The following EXOC6 variants were observed in gnomAD, a reference collection of about 807,000 sequenced individuals.
EXOC6 encodes the protein exocyst complex component 6.
EXOC6 carries 60 observed loss-of-function variants against 112.5 expected under a neutral mutation model. That is an observed-to-expected ratio of 0.53 (90% CI 0.43 to 0.66). The LOEUF is 0.66. Among genes scored for constraint, EXOC6 ranks in the 30% least tolerant of loss-of-function variants. The probability of loss-of-function intolerance (pLI) is 0.00; values close to 1 mark genes in which losing one functional copy is unlikely to be tolerated. For missense variants in EXOC6, 855 were observed against 957.1 expected (o/e 0.89, Z 1.41); for synonymous variants, 295 against 308.0 (o/e 0.96, Z 0.44).
chr10:93,055,734 T>C (rs2134390606), intron 20 of EXOC6, among the ~76,000 whole-genome samples: 1 of 152,196 alleles, frequency 6.6e-6, no homozygotes, highest in East Asian at 1.9e-4. Context: ...TGGTATCTTG[T>C]CCGAAAGAAA....
At chr10:93,023,582 G>A (rs1358826862) in intron 20 of EXOC6, among the ~76,000 whole-genome samples, 1 of 152,082 alleles carries the variant, frequency 6.6e-6, no homozygotes, top group Non-Finnish European at 1.5e-5. Flanking sequence ...AATATGATTT[G>A]TTCGTGTAAA....
chr10:93,033,673 C>T (rs941747006), intron 20 of EXOC6, among the ~76,000 whole-genome samples: 2 of 152,124 alleles, frequency 1.3e-5, no homozygotes, highest in Non-Finnish European at 2.9e-5. Context: ...TTAGTGGACT[C>T]CTAAAACTGT....
chr10:92,847,605 C>T (rs1464130414), upstream of EXOC6, among the ~76,000 whole-genome samples: 2 of 152,194 alleles, frequency 1.3e-5, no homozygotes, highest in African/African-American at 4.8e-5. Context: ...AGTCTTCCTT[C>T]CTCCCTGCTT....
At chr10:92,954,806 C>A (rs897896086) in intron 16 of EXOC6, 65 bp downstream of exon 16, 2 of 723,792 alleles carry the variant, frequency 2.8e-6, no homozygotes, top group Non-Finnish European at 4.7e-6. Flanking sequence ...TAAATTATTG[C>A]TGAACGTCAT....
intron 12 of EXOC6, among the ~76,000 whole-genome samples, chr10:92,937,694 A>C (rs1435479468): frequency 1.3e-5 from 2 of 152,108 alleles, no homozygotes; most frequent in African/African-American, 4.8e-5. Flanking sequence ...ACTTTTGGGA[A>C]GTTTTATTTG....
intron 1 of EXOC6, among the ~76,000 whole-genome samples, chr10:92,857,854 G>A (rs1028535113): frequency 1.3e-5 from 2 of 151,766 alleles, no homozygotes; most frequent in Admixed American, 6.6e-5. Context: ...ACTCTTAATC[G>A]TGAGGAAATT....
intron 14 of EXOC6, among the ~76,000 whole-genome samples, chr10:92,951,975 C>G (rs1853444366): frequency 6.6e-6 from 1 of 152,168 alleles, no homozygotes; most frequent in Non-Finnish European, 1.5e-5. Flanking sequence ...TAGGCATTGC[C>G]TACAGACAGA....
At chr10:92,930,531 G>A (rs1013468191) in intron 9 of EXOC6, among the ~76,000 whole-genome samples, 1 of 140,032 alleles carries the variant, frequency 7.1e-6, no homozygotes, top group African/African-American at 2.7e-5. Context: ...ATAATAAATA[G>A]AAAAAGCTTG....
In EXOC6 at chr10:93,056,930, G is replaced by T; in HGVS notation, c.2176G>T (p.Asp726Tyr). Reference sequence around the variant, plus strand: ...TTTCCCCCATCTTTCGCAGCTCCTTGACCTGTTTATGGTTTGGGATTGGTC... The same window carrying T: ...TTTCCCCCATCTTTCGCAGCTCCTTTACCTGTTTATGGTTTGGGATTGGTC... ...LAFIDLRQLL[D>Y]LFMVWDWSTY... The change falls in exon 21 of 22, where the codon GAC (aspartate) becomes TAC (tyrosine). Residue 726 changes from aspartate to tyrosine, a missense_variant. Transcript: ENST00000260762. 6.3e-7 allele frequency: 1 copy of T among 1,589,094 alleles called. No individual in the cohort carries two copies. The highest frequency in any genetic ancestry group is 1.2e-5 in the South Asian group (1 of 85,720).
chr10:92,869,869 G>GA (rs1554884270), intron 1 of EXOC6, among the ~76,000 whole-genome samples: 2 of 151,462 alleles, frequency 1.3e-5, no homozygotes, highest in African/African-American at 4.9e-5. Flanking sequence ...CAGTGGTTGA[G>GA]ACAGGGGGCA....
chr10:92,836,895 T>C (rs778173771), intron 1 of EXOC6, among the ~76,000 whole-genome samples: 3 of 152,084 alleles, frequency 2.0e-5, no homozygotes, highest in Non-Finnish European at 4.4e-5. Context: ...GAGCTTAGGG[T>C]TCCTTTCCCC....
intron 1 of EXOC6, among the ~76,000 whole-genome samples, chr10:92,855,702 A>G (rs1400349686): frequency 6.6e-6 from 1 of 151,812 alleles, no homozygotes; most frequent in Non-Finnish European, 1.5e-5. Context: ...ATTGCTCATA[A>G]CTTTTTCTTA....
intron 19 of EXOC6, among the ~76,000 whole-genome samples, chr10:93,010,161 T>C (rs1170225097): frequency 6.6e-6 from 1 of 152,176 alleles, no homozygotes; most frequent in Non-Finnish European, 1.5e-5. Flanking sequence ...ACGAATGTCC[T>C]CTGTGCCAGA....
At chr10:92,981,855 C>T (rs769809846) in intron 18 of EXOC6, among the ~76,000 whole-genome samples, 101 of 152,100 alleles carry the variant, frequency 6.6e-4, no homozygotes, top group African/African-American at 1.8e-3. Context: ...CGGTGGCTCA[C>T]GCCTGTAATC....
intron 8 of EXOC6, among the ~76,000 whole-genome samples, chr10:92,925,105 A>G (rs1473662419): frequency 6.6e-6 from 1 of 152,164 alleles, no homozygotes; most frequent in East Asian, 1.9e-4. Context: ...GGCATGTAGT[A>G]TTGTTTATTA....
At chr10:92,866,885 C>T (rs1364427211) in intron 1 of EXOC6, among the ~76,000 whole-genome samples, 2 of 152,032 alleles carry the variant, frequency 1.3e-5, no homozygotes, top group African/African-American at 4.8e-5. Flanking sequence ...AGTTCAATTT[C>T]CTTGTTTTGG....
chr10:92,915,987 G>A (rs1564827308), intron 7 of EXOC6, 74 bp downstream of exon 7: 2 of 1,059,922 alleles, frequency 1.9e-6, no homozygotes, highest in African/African-American at 3.4e-5. Context: ...ACATCTGTGT[G>A]ATTTAGTCTT....
At chr10:93,006,085 G>C (rs1333635502) in intron 19 of EXOC6, among the ~76,000 whole-genome samples, 1 of 152,084 alleles carries the variant, frequency 6.6e-6, no homozygotes, top group Non-Finnish European at 1.5e-5. Context: ...GCTTGAGCCT[G>C]GAAGGTCAAG....
In EXOC6 at chr10:92,887,945, A is replaced by G. The variant is rs547628860; in HGVS notation, c.102-5404A>G. 2.0e-5 allele frequency among the ~76,000 whole-genome samples: 3 copies of G among 152,146 alleles called. No homozygotes were observed. The East Asian group carries it at 5.8e-4, about 29-fold the overall frequency. On this transcript the variant is annotated intron_variant, in intron 1 of 21. Coordinates refer to ENST00000260762, the MANE Select transcript of EXOC6 (RefSeq NM_019053.6). Reference sequence around the variant, plus strand: ...ATTTCTGTGTACTCTGCTCATTGATATGGGTTGTGGGTGACACGTGGGGGT... The same window carrying G: ...ATTTCTGTGTACTCTGCTCATTGATGTGGGTTGTGGGTGACACGTGGGGGT...
Sources: allele counts gnomAD v4.1 joint callset (sites outside exome capture counted in the v4.1 genomes callset), GRCh38; gene constraint gnomAD v4.1.1; transcripts MANE v1.5; gene names NCBI Gene and HGNC (gene_info 2026-07-23, HGNC 2026-07-21).